Variants in C18orf54 observed in about 807,000 individuals in gnomAD.
C18orf54 encodes chromosome 18 open reading frame 54.
C18orf54 carries 49 observed loss-of-function variants against 49.3 expected under a neutral mutation model. That is an observed-to-expected ratio of 0.99 (90% CI 0.79 to 1.26). The LOEUF (loss-of-function observed/expected upper bound fraction) is 1.26, where lower values mean the gene tolerates loss of function less well. Ranked by LOEUF, C18orf54 falls within the 50% of genes most tolerant of loss-of-function variation. C18orf54 has a pLI of 0.00. For synonymous variants in C18orf54, 211 were observed against 216.6 expected (o/e 0.97, Z 0.23); for missense variants, 687 against 620.6 (o/e 1.11, Z -1.14).
chr18:54,376,901 A>G (rs187456010), intron 8 of C18orf54, among the ~76,000 whole-genome samples: 7 of 152,314 alleles, frequency 4.6e-5, no homozygotes, highest in Admixed American at 2.6e-4. Flanking sequence ...TTTATTATAC[A>G]TTTATTGAAC....
intron 6 of C18orf54, among the ~76,000 whole-genome samples, chr18:54,367,511 C>A (rs982518341): frequency 2.9e-5 from 4 of 138,472 alleles, no homozygotes; most frequent in Admixed American, 7.5e-5. Flanking sequence ...TCTTGGCTTG[C>A]GATTTTTCTT....
At chr18:54,374,336 A>C in intron 8 of C18orf54, 52 bp downstream of exon 8, 2 of 1,503,690 alleles carry the variant, frequency 1.3e-6, no homozygotes, top group Non-Finnish European at 1.8e-6. Flanking sequence ...CATTTCTTTG[A>C]CATATGTAAA....
chr18:54,367,914 A>G (rs764511584), intron 6 of C18orf54, among the ~76,000 whole-genome samples: 1 of 152,140 alleles, frequency 6.6e-6, no homozygotes, highest in African/African-American at 2.4e-5. Flanking sequence ...GGGTAATTTC[A>G]AATGACTTAT....
In C18orf54 at chr18:54,379,213, ACTT is replaced by A. The variant is rs1200460111; in HGVS notation, c.*971_*973del. The stretch of plus-strand genomic sequence containing the variant: ...TTTTTACCAAGCACTTATTATTAAT[ACTT>A]CTTATAAGTAGTAAGCATCTTTACT... On this transcript the variant is annotated 3_prime_UTR_variant, in exon 9 of 9. Coordinates refer to ENST00000620105, the MANE Select transcript of C18orf54 (RefSeq NM_001288980.2). The A allele has an allele frequency of 2.0e-5, 3 of 152,086 alleles. No homozygotes were observed. Among genetic ancestry groups the A allele is most frequent in the African/African-American group, 2.4e-5 (1 of 41,428 alleles). 9.4% of individuals were successfully genotyped at this position (152,086 alleles called of 1,614,324 possible). A position where few individuals can be genotyped will look rare whatever the true frequency, so the allele number is the denominator to read the frequency against.
At chr18:54,371,708 A>G (rs188221224) in intron 6 of C18orf54, among the ~76,000 whole-genome samples, 1 of 152,250 alleles carries the variant, frequency 6.6e-6, no homozygotes, top group Admixed American at 6.5e-5. Flanking sequence ...AACTTTCTAT[A>G]GAATTGAAGT....
At chr18:54,363,982 G>A (rs1234236929) in intron 5 of C18orf54, 2 of 152,104 alleles carry the variant, frequency 1.3e-5, no homozygotes, top group Non-Finnish European at 1.5e-5. Flanking sequence ...CAGGGTTATT[G>A]TGAGGATTAA....
At position 54,374,235 on chromosome 18, in the gene C18orf54, A is replaced by G. The variant is rs764552631; in HGVS notation, c.1480A>G (p.Lys494Glu). The G allele has an allele frequency of 1.1e-5, 17 of 1,581,098 alleles. No homozygotes were observed. The East Asian group carries it at 2.7e-4, about 25-fold the overall frequency. Residue 494 changes from lysine to glutamate, a missense_variant, in exon 8 of 9, where the codon AAA (lysine) becomes GAA (glutamate). Lys to Glu is a moderately conservative substitution (Grantham distance 56). Transcript: ENST00000620105. ...ATAGGTTTCAGAAGATGATTTCTCTAAATTACAGTTGAAGGAAAGTATGAT... is the reference window on the plus strand; with the variant it reads ...ATAGGTTTCAGAAGATGATTTCTCTGAATTACAGTTGAAGGAAAGTATGAT... ...IKQVSEDDFSKLQLKESMIPI... is the reference protein window; with the variant it reads ...IKQVSEDDFSELQLKESMIPI...
intron 6 of C18orf54, among the ~76,000 whole-genome samples, chr18:54,371,005 A>C (rs1254658712): frequency 6.6e-6 from 1 of 152,058 alleles, no homozygotes; most frequent in Non-Finnish European, 1.5e-5. Context: ...CATAACATAA[A>C]ATTTACCATT....
At chr18:54,367,708 G>C (rs2089411972) in intron 6 of C18orf54, among the ~76,000 whole-genome samples, 1 of 151,956 alleles carries the variant, frequency 6.6e-6, no homozygotes, top group African/African-American at 2.4e-5. Flanking sequence ...AAATCTACTG[G>C]GGGCCATTGA....
chr18:54,367,523 T>G (rs551771962), intron 6 of C18orf54, among the ~76,000 whole-genome samples: 45 of 102,518 alleles, frequency 4.4e-4, no homozygotes, highest in Middle Eastern at 4.6e-3. Flanking sequence ...ATTTTTCTTT[T>G]CAGCCCTTTG....
intron 5 of C18orf54, among the ~76,000 whole-genome samples, 172 bp from the exon 6 acceptor site, chr18:54,365,547 G>T (rs1382590164): frequency 6.6e-6 from 1 of 151,894 alleles, no homozygotes; most frequent in Non-Finnish European, 1.5e-5. Context: ...TCTGGTATCA[G>T]TTTAGGGAGA....
Position 54,365,727 on chromosome 18 carries a change from C to T in C18orf54, c.1232C>T (p.Pro411Leu), listed in dbSNP as rs760646263. The change falls in exon 6 of 9, where the codon CCT becomes CTT. Residue 411 changes from proline to leucine, a missense_variant. By Grantham distance (98) the Pro-to-Leu change is moderately conservative (BLOSUM62 -3). Coordinates refer to ENST00000620105, the MANE Select transcript of C18orf54 (RefSeq NM_001288980.2). The stretch of plus-strand genomic sequence containing the variant: ...CTTTAAATCCTGTTTAGCAAATCTC[C>T]TGTTCCCGTTAACTCTGATGATAGT... ...WENIPVTFKS[P>L]VPVNSDDSPQ... is the part of the protein sequence containing the mutation. 3 of 1,586,818 alleles carry T rather than the reference C, an allele frequency of 1.9e-6. No homozygotes were observed. The highest frequency in any genetic ancestry group is 2.2e-5 in the East Asian group (1 of 44,548).
chr18:54,366,169 A>G (rs1051632269), intron 6 of C18orf54, among the ~76,000 whole-genome samples: 1 of 151,778 alleles, frequency 6.6e-6, no homozygotes, highest in Admixed American at 6.6e-5. Flanking sequence ...TTGGAAATAT[A>G]TAATAATTTA....
At chr18:54,374,392 A>G (rs2089537186) in intron 8 of C18orf54, 108 bp downstream of exon 8, 5 of 1,189,488 alleles carry the variant, frequency 4.2e-6, no homozygotes, top group Non-Finnish European at 5.5e-6. Context: ...ACTACTAGGC[A>G]TATTTAAGCT....
chr18:54,361,945 T>C lies in C18orf54; in HGVS notation c.586T>C (p.Cys196Arg). The C allele has an allele frequency of 2.5e-6, 4 of 1,614,088 alleles. No individual in the cohort carries two copies. Among genetic ancestry groups the C allele is most frequent in the Non-Finnish European group, 2.5e-6 (3 of 1,179,986 alleles). The change falls in exon 4 of 9, where the codon TGT (cysteine) becomes CGT (arginine). Residue 196 changes from cysteine (C) to arginine (R), a missense_variant. By Grantham distance (180) the Cys-to-Arg change is radical. Coordinates refer to ENST00000620105, the MANE Select transcript of C18orf54 (RefSeq NM_001288980.2). ...ACGCTCAAATATAAATGGAAAGCAA[T>C]GTGGTAGGCTGAAAAACCCAAAACT... Reference protein sequence around the residue: ...VIRSNINGKQCGRLKNPKLMN... With the variant: ...VIRSNINGKQRGRLKNPKLMN...
chr18:54,362,672 C>A, intron 4 of C18orf54, 99 bp from the exon 5 acceptor site: 1 of 1,111,700 alleles, frequency 9.0e-7, no homozygotes, highest in African/African-American at 1.6e-5. Flanking sequence ...GATGAATGTA[C>A]ATTCCAAATG....
chr18:54,372,448 C>G lies in C18orf54; in HGVS notation c.1327-18C>G, dbSNP rs766457467. On this transcript the variant is annotated intron_variant, in intron 6 of 8. Transcript: ENST00000620105. ...GCTTGGATGGTTAACTTTATACTAT[C>G]ATCTGTTTTAACCTTAGAGCTGTAC... is the stretch of plus-strand genomic sequence containing the variant. 22 of 1,518,650 alleles carry G rather than the reference C, an allele frequency of 1.4e-5. No individual in the cohort carries two copies. Among genetic ancestry groups the G allele is most frequent in the South Asian group, 1.4e-5 (1 of 72,800 alleles). 94.1% of individuals were successfully genotyped at this position (1,518,650 alleles called of 1,614,324 possible).
rs948407616 is a variant in C18orf54, at chr18:54,362,264, T to A, written c.905T>A (p.Leu302His). ...CATCAGGCACAAGGAACTTCTCGGC[T>A]TATCAATAAATTAGATTGTTTTGAA... ...HSHQAQGTSR[L>H]INKLDCFEYA... Residue 302 changes from leucine (L) to histidine (H), a missense_variant, in exon 4 of 9, where the codon CTT becomes CAT. Transcript: ENST00000620105. 3.3e-6 allele frequency: 5 copies of A among 1,536,354 alleles called. No individual in the cohort carries two copies. Among genetic ancestry groups the A allele is most frequent in the African/African-American group, 1.4e-5 (1 of 73,062 alleles).
chr18:54,377,025 T>A (rs1347662), intron 8 of C18orf54, among the ~76,000 whole-genome samples: 28,711 of 151,408 alleles, frequency 0.19, 3,332 homozygotes, highest in East Asian at 0.29. Context: ...GTTTTTTTTT[T>A]AAATTTAATT....
Sources: allele counts gnomAD v4.1 joint callset (sites outside exome capture counted in the v4.1 genomes callset), GRCh38; gene constraint gnomAD v4.1.1; transcripts MANE v1.5; gene names NCBI Gene and HGNC (gene_info 2026-07-23, HGNC 2026-07-21).